PTPRS: variants seen among roughly 807,000 people sequenced by gnomAD.
PTPRS encodes the protein protein tyrosine phosphatase receptor type S, also known as receptor-type tyrosine-protein phosphatase S.
A neutral mutation model predicts 215.3 loss-of-function variants in PTPRS; 63 were observed. The ratio of observed to expected loss-of-function variants is 0.29; its 90% CI spans 0.24 to 0.36. PTPRS has a LOEUF of 0.36. Ranked by LOEUF, PTPRS falls within the 10% of genes least tolerant of loss-of-function variation. The pLI is 1.00. For missense variants in PTPRS, 2,258 were observed against 2,825.8 expected (o/e 0.80, Z 4.56); for synonymous variants, 1,404 against 1,191.4 (o/e 1.18, Z -3.68).
chr19:5,236,860 A>C (rs2043491658), intron 13 of PTPRS, among the ~76,000 whole-genome samples: 2 of 151,510 alleles, frequency 1.3e-5, no homozygotes, highest in African/African-American at 4.9e-5. Flanking sequence ...AAAAAAAAAA[A>C]AAAAACAACA....
chr19:5,209,630 C>T (rs1978237), intron 35 of PTPRS, among the ~76,000 whole-genome samples: 1 of 151,976 alleles, frequency 6.6e-6, no homozygotes, highest in Admixed American at 6.6e-5. Context: ...TTCTCCACCC[C>T]CTGCTGGCCA....
intron 9 of PTPRS, among the ~76,000 whole-genome samples, chr19:5,253,080 A>T (rs185054612): frequency 6.6e-6 from 1 of 152,240 alleles, no homozygotes; most frequent in East Asian, 1.9e-4. Flanking sequence ...TTAGAGTTTT[A>T]AAGAACCAGA....
intron 25 of PTPRS, among the ~76,000 whole-genome samples, chr19:5,216,986 C>A (rs1028080686): frequency 6.6e-6 from 1 of 152,198 alleles, no homozygotes; most frequent in African/African-American, 2.4e-5. Flanking sequence ...GGTCTTGACC[C>A]GTCACTCTGG....
chr19:5,267,544 T>C (rs1445129785), intron 4 of PTPRS, among the ~76,000 whole-genome samples: 5 of 151,688 alleles, frequency 3.3e-5, no homozygotes, highest in Admixed American at 1.3e-4. Context: ...GTAATCCCAG[T>C]TCCTTGGGAG....
chr19:5,268,890 A>C (rs1468669538), intron 4 of PTPRS, among the ~76,000 whole-genome samples: 1 of 152,212 alleles, frequency 6.6e-6, no homozygotes, highest in African/African-American at 2.4e-5. Context: ...GTCTGAACCC[A>C]TCGGGGCCCT....
intron 7 of PTPRS, among the ~76,000 whole-genome samples, chr19:5,259,963 CA>C (rs1165585137): frequency 1.3e-5 from 2 of 152,146 alleles, no homozygotes; most frequent in Non-Finnish European, 2.9e-5. Flanking sequence ...CTAGGTCACA[CA>C]GCATTTGTAG....
Position 5,237,974 on chromosome 19 carries a change from A to T in PTPRS, c.1849+945T>A, listed in dbSNP as rs1157713750. Among the ~76,000 whole-genome samples the T allele has an allele frequency of 6.6e-6, 1 of 151,232 alleles. No homozygotes were observed. The highest frequency in any genetic ancestry group is 1.5e-5 in the Non-Finnish European group (1 of 67,758). On this transcript the variant is annotated intron_variant, in intron 13 of 37. Coordinates refer to ENST00000262963, the MANE Select transcript of PTPRS (RefSeq NM_002850.4). This position sits in a 1 kb window ranked among gnomAD's most constrained non-coding sequence, Gnocchi z 4.2. ...GAGATGCCCCTGTGTACACACACCC[A>T]GGGCGGGCCTTGAAGGTTTGACCAT...
At chr19:5,331,127 TTAAAAAAA>T (rs1444416373) in intron 1 of PTPRS, among the ~76,000 whole-genome samples, 2 of 80,700 alleles carry the variant, frequency 2.5e-5, no homozygotes. Flanking sequence ...GCTTCTTTTT[TTAAAAAAA>T]AAAAAAAAAA....
At chr19:5,216,895 G>A (rs983178575) in intron 25 of PTPRS, 128 bp from the exon 26 acceptor site, 2 of 642,562 alleles carry the variant, frequency 3.1e-6, no homozygotes, top group Non-Finnish European at 2.8e-6. Flanking sequence ...CGGGGGGTAT[G>A]TACAGCCACC....
At chr19:5,256,338 C>A (rs1296046036) in intron 8 of PTPRS, among the ~76,000 whole-genome samples, 1 of 151,814 alleles carries the variant, frequency 6.6e-6, no homozygotes, top group Non-Finnish European at 1.5e-5. Context: ...CCTCAACATA[C>A]AAGATCTACT....
intron 1 of PTPRS, among the ~76,000 whole-genome samples, chr19:5,301,663 G>A (rs2049308214): frequency 6.6e-6 from 1 of 151,960 alleles, no homozygotes; most frequent in South Asian, 2.1e-4. Context: ...CAAGATGCCT[G>A]CTGGTCTCTC....
At chr19:5,285,411 T>C (rs1448554322) in intron 2 of PTPRS, among the ~76,000 whole-genome samples, 1 of 152,164 alleles carries the variant, frequency 6.6e-6, no homozygotes, top group Non-Finnish European at 1.5e-5. Flanking sequence ...TCCTTGCCCA[T>C]CTCTAAACTA....
At chr19:5,258,437 G>A (rs1042043971) in intron 7 of PTPRS, among the ~76,000 whole-genome samples, 5 of 152,346 alleles carry the variant, frequency 3.3e-5, no homozygotes, top group African/African-American at 7.2e-5. Flanking sequence ...ATGGAGAAAA[G>A]TGTGTTTGAG....
At chr19:5,267,144 C>T (rs534384796) in intron 4 of PTPRS, among the ~76,000 whole-genome samples, 11 of 148,004 alleles carry the variant, frequency 7.4e-5, no homozygotes, top group East Asian at 6.3e-4. Flanking sequence ...CTCCAGCGCT[C>T]GGTATCCCTC....
At chr19:5,301,401 T>C (rs930829733) in intron 1 of PTPRS, among the ~76,000 whole-genome samples, 5 of 150,876 alleles carry the variant, frequency 3.3e-5, no homozygotes, top group Admixed American at 1.3e-4. Flanking sequence ...CTGCACCCTC[T>C]GCCTCCCAGG....
At chr19:5,224,154 G>A (rs969110589) in intron 17 of PTPRS, among the ~76,000 whole-genome samples, 8 of 143,764 alleles carry the variant, frequency 5.6e-5, no homozygotes, top group East Asian at 4.2e-4. Context: ...ACTCCAGCCC[G>A]GGCAACAGAG....
In PTPRS at chr19:5,207,883, G is replaced by A. The variant is rs374230000; in HGVS notation, c.5778+39C>T. ...ACTGGAGCTTAGGGGCAGTCGGGGC[G>A]TGAGGCCAGGCTGCCTCCCCTCCCT... On this transcript the variant is annotated intron_variant, in intron 37 of 37. Transcript: ENST00000262963. 3.6e-4 allele frequency: 586 copies of A among 1,605,886 alleles called. 1 individual carries two copies. Among genetic ancestry groups the A allele is most frequent in the Middle Eastern group, 2.2e-3 (13 of 6,032 alleles).
At chr19:5,300,411 G>A (rs1954943422) in intron 1 of PTPRS, among the ~76,000 whole-genome samples, 1 of 152,006 alleles carries the variant, frequency 6.6e-6, no homozygotes, top group African/African-American at 2.4e-5. Flanking sequence ...AGCAACAAAG[G>A]GGCCAGGTCA....
Position 5,338,474 on chromosome 19 carries a change from G to T in PTPRS, c.-95+2190C>A, listed in dbSNP as rs1000102828. On this transcript the variant is annotated intron_variant, in intron 1 of 37. Coordinates refer to ENST00000262963, the MANE Select transcript of PTPRS (RefSeq NM_002850.4). The surrounding 1 kb of genome is among the most constrained non-coding windows in gnomAD (Gnocchi z 4.2). ...GAAGACTCCGCCAGCCTGCCAGCCA[G>T]AAAGAGATGCCCCACGGAAGGCTTT... Among the ~76,000 whole-genome samples, 1 of 152,034 alleles carries T rather than the reference G, an allele frequency of 6.6e-6. No individual in the cohort carries two copies. The highest frequency in any genetic ancestry group is 2.4e-5 in the African/African-American group (1 of 41,438).
Sources: allele counts gnomAD v4.1 joint callset (sites outside exome capture counted in the v4.1 genomes callset), GRCh38; gene constraint gnomAD v4.1.1; non-coding constraint Gnocchi (gnomAD v3.1); transcripts MANE v1.5; gene names NCBI Gene and HGNC (gene_info 2026-07-23, HGNC 2026-07-21).